Variants in COL23A1 observed in about 807,000 individuals in gnomAD.
The protein encoded by COL23A1 is collagen alpha-1(XXIII) chain.
COL23A1 carries 97 observed loss-of-function variants against 99.3 expected under a neutral mutation model. The observed-to-expected ratio is 0.98, with a 90% CI of 0.83 to 1.16. The LOEUF is 1.16. COL23A1 is among the 50% of genes most tolerant of loss of function. COL23A1 has a pLI of 0.00. For missense variants in COL23A1, 762 were observed against 757.4 expected (o/e 1.01, Z -0.07); for synonymous variants, 320 against 308.2 (o/e 1.04, Z -0.40).
intron 2 of COL23A1, among the ~76,000 whole-genome samples, chr5:178,373,302 A>C (rs936808774): frequency 2.0e-5 from 3 of 152,210 alleles, no homozygotes; most frequent in African/African-American, 7.2e-5. Flanking sequence ...TGGCTGTGAG[A>C]TGGGCACAGG....
chr5:178,326,057 A>G (rs1473046614), intron 2 of COL23A1, among the ~76,000 whole-genome samples: 1 of 152,164 alleles, frequency 6.6e-6, no homozygotes, highest in Non-Finnish European at 1.5e-5. Flanking sequence ...GACCCCAGAT[A>G]ATAAGCTCCA....
chr5:178,491,923 C>T lies in COL23A1; in HGVS notation c.361+68759G>A, dbSNP rs13186655. Reference sequence around the variant, plus strand: ...CTCATTTTTGTATTTTTAGTGGAGACGGGGTTTCACCATGTTGGCCAGGCT... The same window carrying T: ...CTCATTTTTGTATTTTTAGTGGAGATGGGGTTTCACCATGTTGGCCAGGCT... On this transcript the variant is annotated intron_variant, in intron 2 of 28. Transcript: ENST00000390654. Among the ~76,000 whole-genome samples the T allele has an allele frequency of 1.8e-3, 281 of 151,992 alleles. 1 individual carries two copies. Among genetic ancestry groups the T allele is most frequent in the Middle Eastern group, 3.4e-3 (1 of 294 alleles).
chr5:178,423,328 C>T (rs944066357), intron 2 of COL23A1, among the ~76,000 whole-genome samples: 1 of 152,110 alleles, frequency 6.6e-6, no homozygotes, highest in Non-Finnish European at 1.5e-5. Context: ...TGATATTCAG[C>T]ACAATACTAT....
At chr5:178,426,521 G>A (rs577269946) in intron 2 of COL23A1, among the ~76,000 whole-genome samples, 1 of 152,288 alleles carries the variant, frequency 6.6e-6, no homozygotes, top group East Asian at 1.9e-4. Flanking sequence ...GCTCTGTGCT[G>A]CCATCCGGGC....
rs1396221811 is a variant in COL23A1 at position 178,310,224 on chromosome 5, A to G, written c.362-3305T>C. On this transcript the variant is annotated intron_variant, in intron 2 of 28. Coordinates refer to ENST00000390654, the MANE Select transcript of COL23A1 (RefSeq NM_173465.4). The surrounding 1 kb of genome is among the most constrained non-coding windows in gnomAD (Gnocchi z 4.3). ...GGGCTCCCACTCCACTGCTTCCACCAACAGAGAGGCCAGGCGGGCTTGGAG... is the reference window on the plus strand; with the variant it reads ...GGGCTCCCACTCCACTGCTTCCACCGACAGAGAGGCCAGGCGGGCTTGGAG... 6.6e-6 allele frequency among the ~76,000 whole-genome samples: 1 copy of G among 152,120 alleles called. No homozygotes were observed. The highest frequency in any genetic ancestry group is 1.5e-5 in the Non-Finnish European group (1 of 68,014).
At chr5:178,472,052 G>A (rs1428582904) in intron 2 of COL23A1, among the ~76,000 whole-genome samples, 1 of 152,198 alleles carries the variant, frequency 6.6e-6, no homozygotes, top group Non-Finnish European at 1.5e-5. Flanking sequence ...GGTGCTGTGG[G>A]AGCTCAAGGA....
chr5:178,348,325 C>T (rs1399649532), intron 2 of COL23A1, among the ~76,000 whole-genome samples: 1 of 152,224 alleles, frequency 6.6e-6, no homozygotes, highest in Non-Finnish European at 1.5e-5. Context: ...AGAACCCCTC[C>T]TCTACCTCAT....
At chr5:178,449,864 C>T (rs1474380186) in intron 2 of COL23A1, among the ~76,000 whole-genome samples, 4 of 152,202 alleles carry the variant, frequency 2.6e-5, no homozygotes, top group African/African-American at 4.8e-5. Context: ...GGACTTCACG[C>T]GTTGTGTCCA....
chr5:178,378,928 A>C (rs1303234983), intron 2 of COL23A1, among the ~76,000 whole-genome samples: 1 of 152,196 alleles, frequency 6.6e-6, no homozygotes, highest in African/African-American at 2.4e-5. Flanking sequence ...AAAAGCTCTA[A>C]GAGCCAAGAG....
At chr5:178,494,952 C>T (rs1046565762) in intron 2 of COL23A1, among the ~76,000 whole-genome samples, 2 of 152,210 alleles carry the variant, frequency 1.3e-5, no homozygotes, top group African/African-American at 4.8e-5. Context: ...TGGATGGCAT[C>T]AAATGGTAGG....
chr5:178,276,143 T>C (rs1756574128), intron 5 of COL23A1, among the ~76,000 whole-genome samples: 1 of 152,206 alleles, frequency 6.6e-6, no homozygotes, highest in South Asian at 2.1e-4. Flanking sequence ...TTGATGCTCA[T>C]CTGCCGGGAA....
chr5:178,247,799 G>A lies in COL23A1; in HGVS notation c.1245C>T (p.Gly415=), dbSNP rs547148502. 154 of 1,613,294 alleles carry A rather than the reference G, an allele frequency of 9.5e-5. No individual in the cohort carries two copies. In the South Asian group the frequency reaches 1.4e-3, roughly 14 times the overall value. The change falls in exon 21 of 29, where the codon GGC becomes GGT. Residue 415 remains glycine (G), a synonymous_variant. Coordinates refer to ENST00000390654, the MANE Select transcript of COL23A1 (RefSeq NM_173465.4). ...CCATCGGGCCTGGGGGGCCAGGGGG[G>A]CCAGGGGGCCCTGGCTCCACTATGA... ...AQLIVEPGPP[G]PPGPPGPMGL...
intron 2 of COL23A1, among the ~76,000 whole-genome samples, chr5:178,529,349 C>G (rs959478281): frequency 6.6e-6 from 1 of 151,966 alleles, no homozygotes; most frequent in African/African-American, 2.4e-5. Flanking sequence ...TGGGAGGGAA[C>G]TGCACGTGGC....
chr5:178,358,302 ATGTATG>A (rs1211889010), intron 2 of COL23A1, among the ~76,000 whole-genome samples: 2 of 128,636 alleles, frequency 1.6e-5, no homozygotes, highest in African/African-American at 6.5e-5. Flanking sequence ...ATATGTATGT[ATGTATG>A]TGTGTGTATG....
At chr5:178,252,999 C>T (rs1469181620) in intron 16 of COL23A1, among the ~76,000 whole-genome samples, 1 of 150,244 alleles carries the variant, frequency 6.7e-6, no homozygotes, top group Non-Finnish European at 1.5e-5. Context: ...CCAGCACCAC[C>T]GTCTCTGACT....
At chr5:178,292,031 C>T (rs1195023350) in intron 3 of COL23A1, among the ~76,000 whole-genome samples, 1 of 152,136 alleles carries the variant, frequency 6.6e-6, no homozygotes, top group Non-Finnish European at 1.5e-5. Context: ...CGGATAGGTT[C>T]GCCATCGCCT....
In COL23A1 at chr5:178,589,350, G is replaced by C. The variant is rs1764152303; in HGVS notation, c.294+554C>G. On this transcript the variant is annotated intron_variant, in intron 1 of 28. Coordinates refer to ENST00000390654, the MANE Select transcript of COL23A1 (RefSeq NM_173465.4). This position sits in a 1 kb window ranked among gnomAD's most constrained non-coding sequence, Gnocchi z 5.4. ...TGTGGGCGCCCCCACCCCCATCCCC[G>C]AGGCCTCAGTGCGACGGTGACCGCT... Among the ~76,000 whole-genome samples, 2 of 151,650 alleles carry C rather than the reference G, an allele frequency of 1.3e-5. No individual in the cohort carries two copies. The highest frequency in any genetic ancestry group is 2.1e-4 in the South Asian group (1 of 4,804).
At chr5:178,349,995 A>G (rs373667266) in intron 2 of COL23A1, among the ~76,000 whole-genome samples, 5 of 152,286 alleles carry the variant, frequency 3.3e-5, no homozygotes, top group Admixed American at 6.5e-5. Context: ...CTCGGGTCCT[A>G]TCAAGTCTCC....
Position 178,238,320 on chromosome 5 carries a change from G to C in COL23A1, c.*378C>G. ...GTCTTCTTGGATAGGGTGTGTCCCA[G>C]GGACTCCAGAGTTTTGCGGGGGCAG... On this transcript the variant is annotated 3_prime_UTR_variant, in exon 29 of 29. Transcript: ENST00000390654. 4.6e-6 allele frequency: 1 copy of C among 215,946 alleles called. No individual in the cohort carries two copies. Among genetic ancestry groups the C allele is most frequent in the East Asian group, 1.1e-4 (1 of 9,038 alleles). 13.4% of individuals were successfully genotyped at this position (215,946 alleles called of 1,614,324 possible).
Sources: allele counts gnomAD v4.1 joint callset (sites outside exome capture counted in the v4.1 genomes callset), GRCh38; gene constraint gnomAD v4.1.1; non-coding constraint Gnocchi (gnomAD v3.1); transcripts MANE v1.5; gene names NCBI Gene and HGNC (gene_info 2026-07-23, HGNC 2026-07-21).